SRPK1: variants seen among roughly 807,000 people sequenced by gnomAD.
The protein encoded by SRPK1 is SFRS protein kinase 1.
SRPK1 carries 52 observed loss-of-function variants against 89.5 expected under a neutral mutation model. The ratio of observed to expected loss-of-function variants is 0.58; its 90% CI spans 0.46 to 0.73. The LOEUF is 0.73. Ranked by LOEUF, SRPK1 falls within the 30% of genes least tolerant of loss-of-function variation. SRPK1 has a pLI of 0.00. For synonymous variants in SRPK1, 255 were observed against 270.2 expected (o/e 0.94, Z 0.55); for missense variants, 603 against 780.6 (o/e 0.77, Z 2.71).
At position 35,837,075 on chromosome 6, in the gene SRPK1, G is replaced by T. The variant is rs765028219; in HGVS notation, c.1783+1262C>A. Among the ~76,000 whole-genome samples, 18 of 152,282 alleles carry T rather than the reference G, an allele frequency of 1.2e-4. No individual in the cohort carries two copies. The South Asian group carries it at 1.2e-3, about 11-fold the overall frequency. On this transcript the variant is annotated intron_variant, in intron 15 of 15. Transcript: ENST00000373825. Reference sequence around the variant, plus strand: ...GGTAGAAAAACCAGACCATTTCCTAGATGCTTCTAGGTCAGGTTTTCACAT... The same window carrying T: ...GGTAGAAAAACCAGACCATTTCCTATATGCTTCTAGGTCAGGTTTTCACAT...
chr6:35,856,379 G>A (rs1278529165), intron 13 of SRPK1, among the ~76,000 whole-genome samples: 1 of 151,662 alleles, frequency 6.6e-6, no homozygotes, highest in East Asian at 1.9e-4. Flanking sequence ...ACTTTCTGAG[G>A]GGGTAATGCA....
At chr6:35,915,418 A>AAAG (rs1022912454) in intron 2 of SRPK1, among the ~76,000 whole-genome samples, 3 of 151,682 alleles carry the variant, frequency 2.0e-5, no homozygotes, top group South Asian at 2.1e-4. Context: ...AAAAAAAAAA[A>AAAG]AAAAAAGAAA....
At chr6:35,913,107 G>C (rs1033494427) in intron 2 of SRPK1, among the ~76,000 whole-genome samples, 1 of 152,184 alleles carries the variant, frequency 6.6e-6, no homozygotes. Flanking sequence ...CTAAGCACCC[G>C]CAGCCTTATT....
At chr6:35,895,344 G>A (rs1053608082) in intron 2 of SRPK1, among the ~76,000 whole-genome samples, 4 of 152,032 alleles carry the variant, frequency 2.6e-5, no homozygotes, top group African/African-American at 9.7e-5. Context: ...GGGCCAGTTG[G>A]GAGAGAAAGA....
intron 8 of SRPK1, 111 bp from the exon 9 acceptor site, chr6:35,871,070 A>G (rs1199012652): frequency 1.5e-6 from 1 of 681,522 alleles, no homozygotes; most frequent in Non-Finnish European, 2.3e-6. Flanking sequence ...TGTAGTCTAC[A>G]TTGCAGAGAA....
At chr6:35,859,861 C>CG (rs1769743558) in intron 12 of SRPK1, among the ~76,000 whole-genome samples, 1 of 140,948 alleles carries the variant, frequency 7.1e-6, no homozygotes, top group Admixed American at 7.1e-5. Flanking sequence ...AGAACGTAGT[C>CG]TTTTTTTTTT....
chr6:35,891,622 G>A lies in SRPK1; in HGVS notation c.75-609C>T, dbSNP rs140719397. Among the ~76,000 whole-genome samples, 997 of 151,840 alleles carry A rather than the reference G, an allele frequency of 6.6e-3. 19 individuals carry two copies. The highest frequency in any genetic ancestry group is 7.1e-3 in the Non-Finnish European group (485 of 67,984). Reference sequence around the variant, plus strand: ...CCACGCTGTAATCCCAGCTACTTGAGAGGCTGAGGCAGGAGAATTGCTTGA... The same window carrying A: ...CCACGCTGTAATCCCAGCTACTTGAAAGGCTGAGGCAGGAGAATTGCTTGA... On this transcript the variant is annotated intron_variant, in intron 2 of 15. Transcript: ENST00000373825.
chr6:35,883,735 T>C (rs1770345386), intron 6 of SRPK1, among the ~76,000 whole-genome samples: 1 of 151,316 alleles, frequency 6.6e-6, no homozygotes, highest in Non-Finnish European at 1.5e-5. Flanking sequence ...AATCACAAGG[T>C]TATTTTTTTT....
intron 2 of SRPK1, among the ~76,000 whole-genome samples, chr6:35,902,232 C>CAAAAAA (rs58763282): frequency 2.4e-5 from 2 of 83,580 alleles, no homozygotes; most frequent in Non-Finnish European, 4.8e-5. Flanking sequence ...TCCGTCTCTA[C>CAAAAAA]AAAAAAAAAA....
intron 2 of SRPK1, among the ~76,000 whole-genome samples, chr6:35,893,011 T>C (rs919502835): frequency 1.3e-5 from 2 of 152,204 alleles, no homozygotes; most frequent in African/African-American, 2.4e-5. Flanking sequence ...AAATTAGCTA[T>C]AAAACTGCAT....
intron 6 of SRPK1, among the ~76,000 whole-genome samples, chr6:35,882,682 A>T (rs543506172): frequency 6.6e-6 from 1 of 152,322 alleles, no homozygotes; most frequent in East Asian, 1.9e-4. Context: ...CAGAATTATC[A>T]GGAGGTACAG....
In SRPK1 at chr6:35,869,826, C is replaced by A; in HGVS notation, c.1067G>T (p.Cys356Phe). Residue 356 changes from cysteine (C) to phenylalanine (F), a missense_variant, in exon 11 of 16, where the codon TGC becomes TTC. Transcript: ENST00000373825. ...DTEGGAAEIN[C>F]NGVIEVINYT... ...ATTAATGACTTCAATCACTCCATTG[C>A]AATTAATTTCTGCTGCACCACCCTC... The A allele has an allele frequency of 6.2e-7, 1 of 1,611,982 alleles. No individual in the cohort carries two copies. The highest frequency in any genetic ancestry group is 1.7e-4 in the Middle Eastern group (1 of 6,032).
At chr6:35,906,312 C>T (rs1319241664) in intron 2 of SRPK1, among the ~76,000 whole-genome samples, 1 of 152,156 alleles carries the variant, frequency 6.6e-6, no homozygotes, top group Non-Finnish European at 1.5e-5. Context: ...GCAACCTCCA[C>T]CTCCCAGGTT....
chr6:35,909,499 G>A (rs1427212558), intron 2 of SRPK1, among the ~76,000 whole-genome samples: 4 of 152,212 alleles, frequency 2.6e-5, no homozygotes, highest in South Asian at 4.1e-4. Flanking sequence ...GGACTCTTGA[G>A]TTAATACTGG....
chr6:35,883,955 G>A (rs888044293), intron 6 of SRPK1, among the ~76,000 whole-genome samples: 3 of 151,806 alleles, frequency 2.0e-5, no homozygotes, highest in East Asian at 1.9e-4. Flanking sequence ...AGATGGTCTC[G>A]GTCTCCTGAC....
At chr6:35,877,291 TC>T (rs1422090094) in intron 6 of SRPK1, among the ~76,000 whole-genome samples, 1 of 152,052 alleles carries the variant, frequency 6.6e-6, no homozygotes, top group Non-Finnish European at 1.5e-5. Context: ...TAAAACACTT[TC>T]CAAGTAACAT....
chr6:35,870,984 A>T, intron 8 of SRPK1, 25 bp from the exon 9 acceptor site: 1 of 1,603,944 alleles, frequency 6.2e-7, no homozygotes, highest in Non-Finnish European at 8.5e-7. Context: ...AAACCAAGTA[A>T]GAATTCTGGC....
At chr6:35,851,181 T>TG (rs1769548123) in intron 13 of SRPK1, among the ~76,000 whole-genome samples, 1 of 148,758 alleles carries the variant, frequency 6.7e-6, no homozygotes, top group African/African-American at 2.6e-5. Context: ...GGTATTGGAT[T>TG]TTTTTTTTCT....
At chr6:35,920,597 C>A in intron 1 of SRPK1, 69 bp from the exon 2 acceptor site, 1 of 1,473,162 alleles carries the variant, frequency 6.8e-7, no homozygotes, top group Non-Finnish European at 9.3e-7. Flanking sequence ...AGGGTGGAGA[C>A]CCAGCAGGGG....
Sources: gnomAD v4.1 joint callset for allele counts (sites outside exome capture counted in the v4.1 genomes callset) on GRCh38, gnomAD v4.1.1 for gene constraint, MANE v1.5 for transcripts, NCBI Gene and HGNC (gene_info 2026-07-23, HGNC 2026-07-21) for gene names.